Variants in EFR3A observed in about 807,000 individuals in gnomAD.
EFR3A encodes the protein protein EFR3 homolog A.
Under a neutral mutation model 104.4 loss-of-function variants are expected in EFR3A, and 76 were observed. The observed-to-expected ratio is 0.73, with a 90% CI of 0.60 to 0.88. The LOEUF is 0.88. Among genes scored for constraint, EFR3A ranks in the 40% least tolerant of loss-of-function variants. EFR3A has a pLI of 0.00. For synonymous variants in EFR3A, 330 were observed against 330.0 expected (o/e 1.00, Z 0.00); for missense variants, 985 against 1,012.5 (o/e 0.97, Z 0.37).
intron 19 of EFR3A, 44 bp downstream of exon 19, chr8:131,996,541 A>T (rs369080821): frequency 7.6e-7 from 1 of 1,321,198 alleles, no homozygotes; most frequent in Non-Finnish European, 1.0e-6. Flanking sequence ...CTTGGTAGAC[A>T]TCATTTAAAA....
intron 17 of EFR3A, among the ~76,000 whole-genome samples, chr8:131,987,180 A>G (rs1270164584): frequency 6.6e-6 from 1 of 152,158 alleles, no homozygotes; most frequent in East Asian, 1.9e-4. Context: ...TTAGCTGGCT[A>G]ATGTGGTTTT....
Position 131,996,598 on chromosome 8 carries a change from A to C in EFR3A, c.2157+101A>C, listed in dbSNP as rs902009075. 3 of 599,978 alleles carry C rather than the reference A, an allele frequency of 5.0e-6. No individual in the cohort carries two copies. The African/African-American group carries it at 5.9e-5, about 12-fold the overall frequency. The allele number at this position is 599,978 out of a possible 1,614,324, so 37.2% of individuals were successfully genotyped here. A position where few individuals can be genotyped will look rare whatever the true frequency, so the allele number is the denominator to read the frequency against. ...TTCGAACAGGAGGAAATACAACTCT[A>C]AATTATCCTCAAATCAACTAAATTA... On this transcript the variant is annotated intron_variant, in intron 19 of 22. Coordinates refer to ENST00000254624, the MANE Select transcript of EFR3A (RefSeq NM_015137.6).
chr8:131,943,056 C>T (rs193015589), intron 2 of EFR3A, among the ~76,000 whole-genome samples: 1 of 152,014 alleles, frequency 6.6e-6, no homozygotes. Context: ...AACCTGAAAT[C>T]TGAAATGCTC....
At chr8:132,002,395 T>G (rs569068407) in intron 20 of EFR3A, among the ~76,000 whole-genome samples, 55 of 152,304 alleles carry the variant, frequency 3.6e-4, no homozygotes, top group Non-Finnish European at 6.6e-4. Flanking sequence ...GTTTTAACCC[T>G]TAGATTTTTT....
chr8:131,981,188 A>G (rs1239660345), intron 14 of EFR3A, among the ~76,000 whole-genome samples: 3 of 152,002 alleles, frequency 2.0e-5, no homozygotes, highest in Non-Finnish European at 4.4e-5. Flanking sequence ...ACTTTATGCA[A>G]TGACATTAAA....
chr8:132,007,845 G>T (rs959814598), intron 22 of EFR3A, among the ~76,000 whole-genome samples: 2 of 151,836 alleles, frequency 1.3e-5, no homozygotes, highest in Non-Finnish European at 2.9e-5. Context: ...ACAATTTAAT[G>T]AGGAAAAGAA....
chr8:131,999,180 T>C (rs1012249555), intron 19 of EFR3A, among the ~76,000 whole-genome samples: 3 of 152,162 alleles, frequency 2.0e-5, no homozygotes, highest in Non-Finnish European at 4.4e-5. Context: ...TGTTAAATTT[T>C]TTGATATAAA....
intron 19 of EFR3A, among the ~76,000 whole-genome samples, chr8:131,997,242 A>G (rs945432899): frequency 6.6e-6 from 1 of 152,082 alleles, no homozygotes; most frequent in African/African-American, 2.4e-5. Context: ...TGGTTTATCC[A>G]TTGTTTGCCT....
intron 2 of EFR3A, 76 bp from the exon 3 acceptor site, chr8:131,944,669 T>C: frequency 7.2e-7 from 1 of 1,395,450 alleles, no homozygotes; most frequent in Non-Finnish European, 9.6e-7. Context: ...AAAGGGAAAT[T>C]GTAAAGCAGG....
chr8:131,975,968 G>A, intron 10 of EFR3A, 59 bp from the exon 11 acceptor site: 2 of 1,051,450 alleles, frequency 1.9e-6, no homozygotes, highest in East Asian at 5.2e-5. Flanking sequence ...AAATAATTTT[G>A]TATTATATGG....
intron 1 of EFR3A, among the ~76,000 whole-genome samples, chr8:131,937,639 C>T (rs1347907903): frequency 6.6e-6 from 1 of 151,998 alleles, no homozygotes; most frequent in African/African-American, 2.4e-5. Context: ...TTGAATATTT[C>T]CTAGGTGACA....
intron 1 of EFR3A, among the ~76,000 whole-genome samples, chr8:131,936,146 G>A (rs2130529082): frequency 6.6e-6 from 1 of 152,192 alleles, no homozygotes; most frequent in South Asian, 2.1e-4. Context: ...GAAGGAGGAG[G>A]ATGTTTCCTC....
At chr8:131,962,049 C>T (rs1241520205) in intron 8 of EFR3A, among the ~76,000 whole-genome samples, 2 of 152,110 alleles carry the variant, frequency 1.3e-5, no homozygotes, top group Non-Finnish European at 2.9e-5. Flanking sequence ...TACAAGAGCT[C>T]CTGAAGGAAG....
chr8:131,939,340 A>G (rs781288808), intron 1 of EFR3A, among the ~76,000 whole-genome samples: 7 of 152,114 alleles, frequency 4.6e-5, no homozygotes, highest in Non-Finnish European at 8.8e-5. Context: ...TCTTTAACCC[A>G]TGGCTGTCCA....
chr8:132,006,029 G>A (rs1211125453), intron 22 of EFR3A, among the ~76,000 whole-genome samples: 2 of 152,064 alleles, frequency 1.3e-5, no homozygotes, highest in African/African-American at 2.4e-5. Flanking sequence ...ATGACAGGAC[G>A]AATTAGAAAA....
chr8:131,913,803 G>T (rs1481694401), intron 1 of EFR3A, among the ~76,000 whole-genome samples: 1 of 152,192 alleles, frequency 6.6e-6, no homozygotes, highest in Non-Finnish European at 1.5e-5. Flanking sequence ...GATGAGCCGA[G>T]TGAAGTGTAA....
chr8:131,944,683 C>T lies in EFR3A; in HGVS notation c.88-62C>T. ...GAAAGGGAAATTGTAAAGCAGGCAACACTTAAAAATATAATAAGCATGAAA... is the reference window on the plus strand; with the variant it reads ...GAAAGGGAAATTGTAAAGCAGGCAATACTTAAAAATATAATAAGCATGAAA... On this transcript the variant is annotated intron_variant, in intron 2 of 22. Transcript: ENST00000254624. The T allele has an allele frequency of 4.1e-6, 6 of 1,452,708 alleles. No homozygotes were observed. In the South Asian group the frequency reaches 8.2e-5, roughly 20 times the overall value. The allele number at this position is 1,452,708 out of a possible 1,614,324, so 90.0% of individuals were successfully genotyped here.
intron 14 of EFR3A, among the ~76,000 whole-genome samples, chr8:131,981,629 A>T (rs1309288074): frequency 1.3e-5 from 2 of 152,150 alleles, no homozygotes; most frequent in African/African-American, 4.8e-5. Context: ...AAGAAAAAAA[A>T]TTGGGTTCTG....
intron 22 of EFR3A, among the ~76,000 whole-genome samples, chr8:132,009,304 A>G (rs1216442977): frequency 1.3e-5 from 2 of 152,238 alleles, no homozygotes; most frequent in East Asian, 3.9e-4. Flanking sequence ...ATTCTTGAAT[A>G]GGAAGTTAAC....
Sources: gnomAD v4.1 joint callset for allele counts (sites outside exome capture counted in the v4.1 genomes callset) on GRCh38, gnomAD v4.1.1 for gene constraint, MANE v1.5 for transcripts, NCBI Gene and HGNC (gene_info 2026-07-23, HGNC 2026-07-21) for gene names.